CMKLR1: variants seen among roughly 807,000 people sequenced by gnomAD.
The protein encoded by CMKLR1 is chemerin chemokine-like receptor 1.
In CMKLR1, 6 loss-of-function variants were observed where a neutral mutation model predicts 8.2. The observed-to-expected ratio is 0.73, with a 90% CI of 0.40 to 1.44. The LOEUF is 1.44. Among genes scored for constraint, CMKLR1 ranks in the 40% most tolerant of loss-of-function variants. CMKLR1 has a pLI of 0.02. For missense variants in CMKLR1, 429 were observed against 478.0 expected (o/e 0.90, Z 0.96); for synonymous variants, 178 against 181.2 (o/e 0.98, Z 0.14).
At position 108,292,915 on chromosome 12, in the gene CMKLR1, A is replaced by G. The variant is rs1442719014; in HGVS notation, c.48T>C (p.Asp16=). The G allele has an allele frequency of 6.2e-7, 1 of 1,613,724 alleles. No homozygotes were observed. Among genetic ancestry groups the G allele is most frequent in the Non-Finnish European group, 8.5e-7 (1 of 1,179,680 alleles). ...TGGAGTCTAAATAATCAGGGTATTC[A>G]TCACCGTAACTGATGGAAGTGTTGT... ...EDYNTSISYG[D]EYPDYLDSIV... The change falls in exon 4 of 4, where the codon GAT becomes GAC. Residue 16 remains aspartate (D), a synonymous_variant. Coordinates refer to ENST00000550402, the MANE Select transcript of CMKLR1 (RefSeq NM_001142343.2).
intron 2 of CMKLR1, among the ~76,000 whole-genome samples, chr12:108,296,267 G>A (rs1381228998): frequency 7.9e-5 from 12 of 152,214 alleles, no homozygotes; most frequent in Admixed American, 7.9e-4. Context: ...CAACTCAGTT[G>A]TCTTATCTGT....
intron 2 of CMKLR1, among the ~76,000 whole-genome samples, chr12:108,306,170 G>T (rs550157042): frequency 6.6e-6 from 1 of 152,308 alleles, no homozygotes; most frequent in Admixed American, 6.5e-5. Flanking sequence ...AACTGCAGGC[G>T]TGGAGCGTGC....
chr12:108,291,685 C>T lies in CMKLR1; in HGVS notation c.*156G>A. ...TCTGTCCACTAGAAGAAAGGGGTTC[C>T]AGGCCCTAGATTCCCAGCATAAAAC... On this transcript the variant is annotated 3_prime_UTR_variant, in exon 4 of 4. Transcript: ENST00000550402. The T allele has an allele frequency of 1.3e-6, 1 of 760,866 alleles. No individual in the cohort carries two copies. The allele number at this position is 760,866 out of a possible 1,614,324, so 47.1% of individuals were successfully genotyped here. A position where few individuals can be genotyped will look rare whatever the true frequency, so the allele number is the denominator to read the frequency against.
intron 2 of CMKLR1, among the ~76,000 whole-genome samples, chr12:108,323,279 T>C (rs538142095): frequency 3.3e-4 from 50 of 152,382 alleles, no homozygotes; most frequent in African/African-American, 1.1e-3. Flanking sequence ...CTCATCTTTT[T>C]CAGTTGAAAA....
intron 2 of CMKLR1, among the ~76,000 whole-genome samples, chr12:108,310,216 CAGG>C (rs1891517721): frequency 6.7e-6 from 1 of 150,178 alleles, no homozygotes; most frequent in African/African-American, 2.5e-5. Context: ...GGGGAGAAGG[CAGG>C]AGATGTGGCT....
chr12:108,331,294 C>T (rs183649308), intron 1 of CMKLR1, among the ~76,000 whole-genome samples: 3 of 152,314 alleles, frequency 2.0e-5, no homozygotes, highest in Admixed American at 2.0e-4. Context: ...TCAGAGTCAG[C>T]AGGTTCATAA....
At chr12:108,325,400 G>A (rs1005835853) in intron 2 of CMKLR1, among the ~76,000 whole-genome samples, 3 of 152,202 alleles carry the variant, frequency 2.0e-5, no homozygotes, top group Admixed American at 6.5e-5. Flanking sequence ...AGCTCAGGCT[G>A]TACACTCACT....
intron 2 of CMKLR1, among the ~76,000 whole-genome samples, chr12:108,301,957 G>GCA (rs371794841): frequency 6.6e-6 from 1 of 151,764 alleles, no homozygotes; most frequent in South Asian, 2.1e-4. Flanking sequence ...ACATCAGAAT[G>GCA]CACACACACA....
chr12:108,329,753 C>T (rs1484253452), intron 2 of CMKLR1, among the ~76,000 whole-genome samples: 1 of 152,158 alleles, frequency 6.6e-6, no homozygotes, highest in African/African-American at 2.4e-5. Flanking sequence ...ACAGGAGCTC[C>T]CTGTATCCCA....
chr12:108,300,088 C>A (rs908310991), intron 2 of CMKLR1, among the ~76,000 whole-genome samples: 2 of 152,218 alleles, frequency 1.3e-5, no homozygotes, highest in African/African-American at 2.4e-5. Flanking sequence ...AATCCAGGCA[C>A]CAGACAGGTC....
intron 2 of CMKLR1, among the ~76,000 whole-genome samples, chr12:108,294,495 T>C (rs1891078046): frequency 6.6e-6 from 1 of 152,168 alleles, no homozygotes; most frequent in Non-Finnish European, 1.5e-5. Context: ...CCCGGACACT[T>C]ATGAGCTGTG....
intron 2 of CMKLR1, among the ~76,000 whole-genome samples, chr12:108,303,141 C>T (rs1188708254): frequency 3.3e-5 from 5 of 152,192 alleles, no homozygotes; most frequent in East Asian, 1.9e-4. Context: ...CCGTTTTCCC[C>T]GTTAGGCGGG....
chr12:108,301,376 G>T lies in CMKLR1; in HGVS notation c.-73-7712C>A, dbSNP rs150440433. Among the ~76,000 whole-genome samples, 349 of 152,022 alleles carry T rather than the reference G, an allele frequency of 2.3e-3. 2 individuals are homozygous for T. Among genetic ancestry groups the T allele is most frequent in the African/African-American group, 8.0e-3 (332 of 41,434 alleles). On this transcript the variant is annotated intron_variant, in intron 2 of 3. Transcript: ENST00000550402. ...CAGGTATGAGCCACCGTGCTCGGCC[G>T]CGTCCACCCAAGTTTTCTATCAGTA... is the stretch of plus-strand genomic sequence containing the variant.
intron 2 of CMKLR1, among the ~76,000 whole-genome samples, chr12:108,324,602 G>A (rs1454030941): frequency 1.3e-5 from 2 of 152,096 alleles, no homozygotes; most frequent in African/African-American, 4.8e-5. Context: ...TAAATGCATG[G>A]GCCTATTATG....
At chr12:108,318,443 T>A (rs1179977280) in intron 2 of CMKLR1, among the ~76,000 whole-genome samples, 2 of 152,234 alleles carry the variant, frequency 1.3e-5, no homozygotes, top group Non-Finnish European at 2.9e-5. Context: ...GTTCTTATTC[T>A]AGCTGTACTG....
chr12:108,318,040 A>T (rs997897539), intron 2 of CMKLR1: 1 of 152,224 alleles, frequency 6.6e-6, no homozygotes, highest in Non-Finnish European at 1.5e-5. Flanking sequence ...TAGTATATTC[A>T]TATGTACAAA....
Position 108,289,923 on chromosome 12 carries a change from G to A in CMKLR1, c.*1918C>T, listed in dbSNP as rs961703537. 1 of 152,254 alleles carries A rather than the reference G, an allele frequency of 6.6e-6. No homozygotes were observed. Among genetic ancestry groups the A allele is most frequent in the Non-Finnish European group, 1.5e-5 (1 of 68,052 alleles). The allele number at this position is 152,254 out of a possible 1,614,324, so 9.4% of individuals were successfully genotyped here. The stretch of plus-strand genomic sequence containing the variant: ...CATCTGTTCATTGCATCTTGTTGGA[G>A]AATCAGCTTAACAATGAAGGGACTT... On this transcript the variant is annotated 3_prime_UTR_variant, in exon 4 of 4. Coordinates refer to ENST00000550402, the MANE Select transcript of CMKLR1 (RefSeq NM_001142343.2).
intron 2 of CMKLR1, among the ~76,000 whole-genome samples, chr12:108,328,651 G>T (rs7297342): frequency 0.44 from 66,675 of 151,920 alleles, 15,038 homozygotes; most frequent in Admixed American, 0.54. Context: ...AGCTGAAGAG[G>T]CCCCCTGTGA....
intron 2 of CMKLR1, among the ~76,000 whole-genome samples, chr12:108,306,003 A>G (rs978182086): frequency 1.3e-5 from 2 of 152,184 alleles, no homozygotes; most frequent in African/African-American, 2.4e-5. Context: ...ACTGCCTGGC[A>G]TCCTCCCATT....
Sources: allele counts gnomAD v4.1 joint callset (sites outside exome capture counted in the v4.1 genomes callset), GRCh38; gene constraint gnomAD v4.1.1; transcripts MANE v1.5; gene names NCBI Gene and HGNC (gene_info 2026-07-23, HGNC 2026-07-21).